The following TAL1 variants were observed in gnomAD, a reference collection of about 807,000 sequenced individuals.
TAL1 encodes the protein T-cell acute lymphocytic leukemia protein 1.
A neutral mutation model predicts 17.9 loss-of-function variants in TAL1; 8 were observed. That is an observed-to-expected ratio of 0.45 (90% CI 0.26 to 0.81). TAL1 has a LOEUF of 0.81. TAL1 is among the 30% of genes least tolerant of loss of function. TAL1 has a pLI of 0.17. For missense variants in TAL1, 466 were observed against 486.9 expected, an observed-to-expected ratio of 0.96 and a Z score of 0.40; for synonymous variants, 223 against 218.6, an observed-to-expected ratio of 1.02 and a Z score of -0.18.
chr1:47,224,510 GCC>G (rs1315710830), intron 2 of TAL1, among the ~76,000 whole-genome samples: 1 of 151,776 alleles, frequency 6.6e-6, no homozygotes, highest in Non-Finnish European at 1.5e-5. Flanking sequence ...CCAAACACAT[GCC>G]CACTCAGGCA....
chr1:47,220,859 G>T (rs1406636718), intron 3 of TAL1, among the ~76,000 whole-genome samples: 2 of 152,204 alleles, frequency 1.3e-5, no homozygotes, highest in African/African-American at 4.8e-5. Context: ...TGTTAATGGG[G>T]AAACGAATAT....
At chr1:47,218,522 C>T (rs758392582) in exon 4 of TAL1, 12 of 232,870 alleles carry the variant, frequency 5.2e-5, no homozygotes, top group Non-Finnish European at 8.5e-5. Flanking sequence ...TGACCAAAAG[C>T]TGCACAACTG....
chr1:47,218,456 C>A (rs2148583340), exon 4 of TAL1: 1 of 232,898 alleles, frequency 4.3e-6, no homozygotes, highest in African/African-American at 2.2e-5. Context: ...TCATGTACAA[C>A]TTTCAGAGGG....
chr1:47,223,979 CA>C (rs1643871246), intron 3 of TAL1, 24 bp downstream of exon 4: 1 of 1,608,556 alleles, frequency 6.2e-7, no homozygotes. Context: ...GGGGCAGGTA[CA>C]ACGGTGGGGT....
At chr1:47,224,066 A>C (rs147015002) in exon 3 of TAL1, 7 of 1,613,772 alleles carry the variant, frequency 4.3e-6, no homozygotes, top group Non-Finnish European at 5.1e-6. Flanking sequence ...GGTGGTGAAC[A>C]TAGGGAAGGC....
chr1:47,224,811 A>G (rs528530516), intron 2 of TAL1, among the ~76,000 whole-genome samples: 9 of 152,114 alleles, frequency 5.9e-5, no homozygotes, highest in Non-Finnish European at 1.2e-4. Context: ...TCATCATCAC[A>G]GTAGCGCCAG....
exon 2 of TAL1, chr1:47,225,673 T>A (rs1179706224): frequency 7.1e-7 from 1 of 1,417,892 alleles, no homozygotes; most frequent in South Asian, 1.5e-5. Context: ...CCTTTAAGTC[T>A]CTCGCGGCGC....
exon 4 of TAL1, chr1:47,219,382 C>A (rs1361035105): frequency 1.7e-6 from 1 of 579,470 alleles, no homozygotes; most frequent in Non-Finnish European, 3.3e-6. Context: ...AACCCCAGGT[C>A]TTAGGAAAGA....
chr1:47,219,112 C>T (rs2148584113), exon 4 of TAL1: 1 of 353,916 alleles, frequency 2.8e-6, no homozygotes, highest in African/African-American at 2.0e-5. Flanking sequence ...ACCCTCCGGC[C>T]CAGCTCATCT....
chr1:47,225,687 C>A, exon 2 of TAL1: 1 of 1,429,216 alleles, frequency 7.0e-7, no homozygotes. Flanking sequence ...GCGGCGCCGC[C>A]CCCACCGGCA....
chr1:47,224,473 G>A (rs1643878517), intron 2 of TAL1, among the ~76,000 whole-genome samples: 1 of 151,596 alleles, frequency 6.6e-6, no homozygotes. Flanking sequence ...CCAGAAACAA[G>A]CACATAATCC....
At chr1:47,229,099 T>C (rs1413226692) in intron 1 of TAL1, 97 bp downstream of exon 2, 2 of 102,500 alleles carry the variant, frequency 2.0e-5, no homozygotes, top group East Asian at 7.0e-4. Flanking sequence ...AATCTGAGAA[T>C]GGGCTCTCCT....
chr1:47,216,773 C>A (rs1005642729), exon 4 of TAL1: 2 of 231,436 alleles, frequency 8.6e-6, no homozygotes, highest in Non-Finnish European at 1.7e-5. Context: ...TGGTTATGGT[C>A]ATCTTTGTTC....
chr1:47,231,438 C>G (rs916690556), upstream of TAL1, among the ~76,000 whole-genome samples: 2 of 151,606 alleles, frequency 1.3e-5, no homozygotes, highest in Non-Finnish European at 2.9e-5. Flanking sequence ...CAGGACCACA[C>G]AGGGTCCAGC....
intron 1 of TAL1, among the ~76,000 whole-genome samples, chr1:47,226,872 C>G (rs1314182613): frequency 1.3e-5 from 2 of 152,212 alleles, no homozygotes; most frequent in South Asian, 2.1e-4. Flanking sequence ...TTCCAGCCCC[C>G]CTCACCGCCA....
exon 3 of TAL1, chr1:47,224,045 A>G: frequency 6.2e-7 from 1 of 1,613,698 alleles, no homozygotes; most frequent in Non-Finnish European, 8.5e-7. Context: ...TCTCCTCTTC[A>G]CTCGATTGTT....
At chr1:47,219,628 G>A (rs773661151) in exon 4 of TAL1, 1 of 1,561,810 alleles carries the variant, frequency 6.4e-7, no homozygotes, top group East Asian at 2.3e-5. Context: ...CCTTGCTTCA[G>A]AGCCGCCCAA....
chr1:47,219,479 C>G (rs1364535816), exon 4 of TAL1: 5 of 701,022 alleles, frequency 7.1e-6, no homozygotes, highest in Non-Finnish European at 1.0e-5. Context: ...GAGGGAAGAC[C>G]GTGCCGTCTT....
At chr1:47,217,791 C>G (rs189411056) in exon 4 of TAL1, 8 of 398,448 alleles carry the variant, frequency 2.0e-5, no homozygotes, top group African/African-American at 1.6e-4. Flanking sequence ...AGCGAATCCA[C>G]GGTGAAGCAA....
Sources: gnomAD v4.1 joint callset for allele counts (sites outside exome capture counted in the v4.1 genomes callset) on GRCh38, gnomAD v4.1.1 for gene constraint, MANE v1.5 for transcripts, NCBI Gene and HGNC (gene_info 2026-07-23, HGNC 2026-07-21) for gene names.